Variants in SYNPR observed in about 807,000 individuals in gnomAD.
SYNPR encodes synaptoporin.
SYNPR carries 23 observed loss-of-function variants against 32.9 expected under a neutral mutation model. The ratio of observed to expected loss-of-function variants is 0.70; its 90% confidence interval spans 0.50 to 0.99. The LOEUF is 0.99. Among genes scored for constraint, SYNPR ranks in the 50% least tolerant of loss-of-function variants. SYNPR has a pLI of 0.00. For missense variants in SYNPR, 318 were observed against 349.3 expected (o/e 0.91, Z 0.71); for synonymous variants, 146 against 135.9 (o/e 1.07, Z -0.52).
In SYNPR at chr3:63,351,269, TC is replaced by T. The variant is rs199682283; in HGVS notation, c.84+72529del. Among the ~76,000 whole-genome samples the T allele has an allele frequency of 4.2e-3, 636 of 152,322 alleles. 1 individual carries two copies. Among genetic ancestry groups the T allele is most frequent in the Non-Finnish European group, 5.3e-3 (358 of 68,038 alleles). ...TTGCTCTTTTCCTCTGCTTACTTCA[TC>T]CAGTTTCAGGGGTAACAGGACATTT... On this transcript the variant is annotated intron_variant, in intron 2 of 5. Coordinates refer to ENST00000478300, the MANE Select transcript of SYNPR (RefSeq NM_001130003.2).
chr3:63,413,065 C>T (rs2088489030), intron 2 of SYNPR, among the ~76,000 whole-genome samples: 1 of 152,118 alleles, frequency 6.6e-6, no homozygotes. Flanking sequence ...TTGAAAAATA[C>T]ACAAATCAGT....
At chr3:63,218,777 A>C in the SYNPR span, among the ~76,000 whole-genome samples, 1 of 152,160 alleles carries the variant, frequency 6.6e-6, no homozygotes, top group Non-Finnish European at 1.5e-5. Context: ...GTGTTCCCCA[A>C]ATTATATTAA....
chr3:63,416,371 G>A (rs2088538766), intron 2 of SYNPR, among the ~76,000 whole-genome samples: 1 of 151,764 alleles, frequency 6.6e-6, no homozygotes, highest in African/African-American at 2.4e-5. Flanking sequence ...CCTCTACCAA[G>A]AAATAGAAAA....
intron 2 of SYNPR, among the ~76,000 whole-genome samples, chr3:63,281,685 C>T (rs766918378): frequency 6.6e-6 from 1 of 152,116 alleles, no homozygotes; most frequent in African/African-American, 2.4e-5. Flanking sequence ...AAGGCCCCAC[C>T]CCCTAAGACC....
chr3:63,405,162 G>A (rs1011311644), intron 2 of SYNPR, among the ~76,000 whole-genome samples: 6 of 152,118 alleles, frequency 3.9e-5, no homozygotes, highest in African/African-American at 7.2e-5. Context: ...CAAGTGAGAA[G>A]CATGGCTGCA....
chr3:63,556,283 G>T (rs1702593653), intron 3 of SYNPR, among the ~76,000 whole-genome samples: 1 of 152,152 alleles, frequency 6.6e-6, no homozygotes, highest in Non-Finnish European at 1.5e-5. Context: ...CATGATTTCA[G>T]GTTCCCTTTC....
At chr3:63,425,363 A>T (rs1346644980) in intron 2 of SYNPR, among the ~76,000 whole-genome samples, 1 of 152,204 alleles carries the variant, frequency 6.6e-6, no homozygotes, top group Non-Finnish European at 1.5e-5. Context: ...CATTACTTAA[A>T]GAGACTGAAA....
chr3:63,299,549 C>A (rs7647301), intron 2 of SYNPR, among the ~76,000 whole-genome samples: 1,967 of 152,136 alleles, frequency 0.013, 38 homozygotes, highest in African/African-American at 0.045. Flanking sequence ...AAATGGCTAC[C>A]TCAGCCTCAC....
At chr3:63,536,796 A>G (rs1458823352) in intron 3 of SYNPR, among the ~76,000 whole-genome samples, 3 of 152,180 alleles carry the variant, frequency 2.0e-5, no homozygotes, top group Non-Finnish European at 4.4e-5. Context: ...AGCAATATAA[A>G]AGGAACAAAG....
At chr3:63,484,891 A>AT (rs1701116216) in intron 3 of SYNPR, among the ~76,000 whole-genome samples, 1 of 152,162 alleles carries the variant, frequency 6.6e-6, no homozygotes, top group Non-Finnish European at 1.5e-5. Flanking sequence ...TAGAAAGGCC[A>AT]CTTTTTTCCC....
intron 3 of SYNPR, among the ~76,000 whole-genome samples, chr3:63,518,775 G>A (rs1701848148): frequency 6.6e-6 from 1 of 152,076 alleles, no homozygotes; most frequent in Admixed American, 6.5e-5. Context: ...ATTACCATCA[G>A]ATAGTGAAAT....
At chr3:63,598,873 C>T (rs1290214080) in intron 4 of SYNPR, among the ~76,000 whole-genome samples, 3 of 152,190 alleles carry the variant, frequency 2.0e-5, no homozygotes, top group African/African-American at 7.2e-5. Context: ...TCCATATCCA[C>T]ACTATCTCTT....
intron 1 of SYNPR, among the ~76,000 whole-genome samples, chr3:63,244,998 A>T (rs2086273653): frequency 6.6e-6 from 1 of 152,152 alleles, no homozygotes; most frequent in South Asian, 2.1e-4. Flanking sequence ...GATAAGGAAA[A>T]GACATTAGGA....
intron 3 of SYNPR, among the ~76,000 whole-genome samples, chr3:63,535,635 T>C (rs914846287): frequency 2.0e-5 from 3 of 151,748 alleles, no homozygotes; most frequent in Non-Finnish European, 2.9e-5. Flanking sequence ...TTTACACTTA[T>C]AATCAAATGA....
At chr3:63,234,870 G>C (rs1263253009) in intron 1 of SYNPR, among the ~76,000 whole-genome samples, 1 of 152,152 alleles carries the variant, frequency 6.6e-6, no homozygotes, top group Non-Finnish European at 1.5e-5. Flanking sequence ...GAAATAATGA[G>C]AGGCTCTATC....
Position 63,363,448 on chromosome 3 carries a change from T to C in SYNPR, c.84+84706T>C, listed in dbSNP as rs553363441. Among the ~76,000 whole-genome samples the C allele has an allele frequency of 1.4e-4, 21 of 152,318 alleles. 1 individual carries two copies. The South Asian group carries it at 3.9e-3, about 29-fold the overall frequency. ...GCTTCTGAGACTTTCTCAAGATCTA[T>C]AGCTGGTAGGTGGCTGAACCACGAA... On this transcript the variant is annotated intron_variant, in intron 2 of 5. Coordinates refer to ENST00000478300, the MANE Select transcript of SYNPR (RefSeq NM_001130003.2).
chr3:63,316,960 T>C (rs2087049936), intron 2 of SYNPR, among the ~76,000 whole-genome samples: 1 of 152,032 alleles, frequency 6.6e-6, no homozygotes, highest in African/African-American at 2.4e-5. Flanking sequence ...CAAATAATTT[T>C]TAAATTTCCA....
rs545356323 is a variant in SYNPR, at chr3:63,415,007, T to C, written c.85-65825T>C. ...GAGCCCACTGTTAAATTTTCAAGGA[T>C]TTTATGATCCAGTTGTTAAATAAGT... is the stretch of plus-strand genomic sequence containing the variant. On this transcript the variant is annotated intron_variant, in intron 2 of 5. Transcript: ENST00000478300. Among the ~76,000 whole-genome samples the C allele has an allele frequency of 2.0e-5, 3 of 152,350 alleles. No homozygotes were observed. The South Asian group carries it at 6.2e-4, about 32-fold the overall frequency.
chr3:63,509,365 T>A (rs1023704827), intron 3 of SYNPR, among the ~76,000 whole-genome samples: 5 of 151,424 alleles, frequency 3.3e-5, no homozygotes, highest in Non-Finnish European at 5.9e-5. Flanking sequence ...TGTATATAAC[T>A]AAAAGAATAT....
Sources: allele counts gnomAD v4.1 joint callset (sites outside exome capture counted in the v4.1 genomes callset), GRCh38; gene constraint gnomAD v4.1.1; transcripts MANE v1.5; gene names NCBI Gene and HGNC (gene_info 2026-07-23, HGNC 2026-07-21).